The following SHISA9 variants were observed in gnomAD, a reference collection of about 807,000 sequenced individuals.
The protein encoded by SHISA9 is protein shisa-9.
Under a neutral mutation model 38.0 loss-of-function variants are expected in SHISA9, and 13 were observed. That is an observed-to-expected ratio of 0.34 (90% CI 0.22 to 0.54). The LOEUF (loss-of-function observed/expected upper bound fraction) is 0.54, where lower values mean the gene tolerates loss of function less well. Ranked by LOEUF, SHISA9 falls within the 20% of genes least tolerant of loss-of-function variation. The probability of loss-of-function intolerance (pLI) is 0.91; values close to 1 mark genes in which losing one functional copy is unlikely to be tolerated. For missense variants in SHISA9, 538 were observed against 575.8 expected (o/e 0.93, Z 0.67); for synonymous variants, 275 against 242.0 (o/e 1.14, Z -1.27).
the SHISA9 span, among the ~76,000 whole-genome samples, chr16:13,506,590 A>C: frequency 4.6e-5 from 7 of 152,206 alleles, no homozygotes; most frequent in Non-Finnish European, 7.3e-5. Context: ...CAGCCAATTC[A>C]AGTGCCTTCT....
Position 13,032,676 on chromosome 16 carries a change from TCTA to T in SHISA9, c.691+115864_691+115866del, listed in dbSNP as rs577965844. Among the ~76,000 whole-genome samples the T allele has an allele frequency of 3.2e-3, 490 of 152,356 alleles. 5 individuals carry two copies. The highest frequency in any genetic ancestry group is 0.011 in the African/African-American group (477 of 41,574). On this transcript the variant is annotated intron_variant, in intron 2 of 4. Coordinates refer to ENST00000558583, the MANE Select transcript of SHISA9 (RefSeq NM_001145204.3). ...CAGAGTAAATATTAGACTGTTCTCA[TCTA>T]CTTCTTTCTATTACACTTTCTATTA... is the stretch of plus-strand genomic sequence containing the variant.
At chr16:12,911,442 C>T in intron 1 of SHISA9, 11 of 911,820 alleles carry the variant, frequency 1.2e-5, no homozygotes, top group Non-Finnish European at 1.4e-5. Context: ...TAAGCATATG[C>T]ATGAACCCAC....
chr16:13,550,546 G>A, the SHISA9 span, among the ~76,000 whole-genome samples: 8 of 152,164 alleles, frequency 5.3e-5, no homozygotes, highest in African/African-American at 1.7e-4. Flanking sequence ...TTTCTTGGAT[G>A]TGCAGTTTGT....
intron 3 of SHISA9, among the ~76,000 whole-genome samples, chr16:13,208,353 A>G (rs12922227): frequency 0.25 from 37,416 of 150,348 alleles, 4,830 homozygotes; most frequent in Middle Eastern, 0.37. Flanking sequence ...CTTCCTTTCT[A>G]TTTTATTGTA....
chr16:13,534,640 A>G, the SHISA9 span, among the ~76,000 whole-genome samples: 2 of 152,202 alleles, frequency 1.3e-5, no homozygotes, highest in African/African-American at 2.4e-5. Context: ...ATTTGACCAC[A>G]TCTCCCTGTG....
chr16:12,998,395 A>G (rs1380185197), intron 2 of SHISA9, among the ~76,000 whole-genome samples: 1 of 152,240 alleles, frequency 6.6e-6, no homozygotes, highest in Non-Finnish European at 1.5e-5. Context: ...GTGGTAATTC[A>G]TGACCCAGCC....
chr16:13,015,860 T>TTGTTTC (rs1555454807), intron 2 of SHISA9, among the ~76,000 whole-genome samples: 1 of 57,216 alleles, frequency 1.7e-5, no homozygotes, highest in Non-Finnish European at 3.7e-5. Flanking sequence ...TTCCCTTTCT[T>TTGTTTC]TCTTTCTTTC....
At chr16:13,299,262 C>T in the SHISA9 span, among the ~76,000 whole-genome samples, 2 of 152,212 alleles carry the variant, frequency 1.3e-5, no homozygotes, top group African/African-American at 2.4e-5. Context: ...ACAGTCACTG[C>T]TCTAGATGAC....
the SHISA9 span, among the ~76,000 whole-genome samples, chr16:13,405,385 A>G: frequency 2.7e-4 from 41 of 152,348 alleles, no homozygotes; most frequent in African/African-American, 9.4e-4. Context: ...CTCACCCAGA[A>G]GATAGAAAGA....
intron 2 of SHISA9, among the ~76,000 whole-genome samples, chr16:12,952,950 C>A (rs1255873866): frequency 6.6e-6 from 1 of 152,122 alleles, no homozygotes; most frequent in African/African-American, 2.4e-5. Flanking sequence ...GTTTTAGGCA[C>A]TGTGTATGAG....
At chr16:13,414,634 T>C in the SHISA9 span, among the ~76,000 whole-genome samples, 27 of 126,256 alleles carry the variant, frequency 2.1e-4, no homozygotes, top group South Asian at 1.4e-3. Flanking sequence ...TTTCTTTCTT[T>C]CTTCTTTCTT....
At chr16:13,557,647 C>A in the SHISA9 span, among the ~76,000 whole-genome samples, 1 of 152,160 alleles carries the variant, frequency 6.6e-6, no homozygotes. Context: ...GAGGAGAGAA[C>A]CACGCCAAGG....
At chr16:13,259,767 G>A in the SHISA9 span, among the ~76,000 whole-genome samples, 2 of 152,170 alleles carry the variant, frequency 1.3e-5, no homozygotes, top group Non-Finnish European at 2.9e-5. Context: ...CTGGGACACA[G>A]GGAATCAAGT....
chr16:13,257,955 T>C, the SHISA9 span, among the ~76,000 whole-genome samples: 1 of 152,212 alleles, frequency 6.6e-6, no homozygotes, highest in Non-Finnish European at 1.5e-5. Flanking sequence ...AATAAAAACA[T>C]CATGACCAGA....
At chr16:12,949,312 G>A (rs764718777) in intron 2 of SHISA9, among the ~76,000 whole-genome samples, 2 of 152,234 alleles carry the variant, frequency 1.3e-5, no homozygotes, top group Non-Finnish European at 2.9e-5. Flanking sequence ...GGCAGCTCTG[G>A]AGCGTGAACT....
intron 2 of SHISA9, among the ~76,000 whole-genome samples, chr16:13,003,686 C>A (rs1216208872): frequency 6.6e-6 from 1 of 151,992 alleles, no homozygotes; most frequent in African/African-American, 2.4e-5. Flanking sequence ...GGTGAAACCC[C>A]ATCTCTACTA....
the SHISA9 span, among the ~76,000 whole-genome samples, chr16:13,401,870 G>C: frequency 1.3e-5 from 2 of 152,176 alleles, no homozygotes; most frequent in Non-Finnish European, 1.5e-5. Context: ...TCATGGCAGA[G>C]GGCCAGGAGA....
At chr16:13,099,419 G>C (rs184780313) in intron 2 of SHISA9, among the ~76,000 whole-genome samples, 19 of 152,324 alleles carry the variant, frequency 1.2e-4, no homozygotes, top group Admixed American at 8.5e-4. Flanking sequence ...AAACAAGGGT[G>C]GGGGACAAAG....
At position 12,997,954 on chromosome 16, in the gene SHISA9, G is replaced by A. The variant is rs116816162; in HGVS notation, c.691+81139G>A. On this transcript the variant is annotated intron_variant, in intron 2 of 4. Coordinates refer to ENST00000558583, the MANE Select transcript of SHISA9 (RefSeq NM_001145204.3). ...TCGTCCAGACACCATGTTATACACG[G>A]CGTGTAATAGGATAGAATGCATTGT... 3.7e-3 allele frequency among the ~76,000 whole-genome samples: 561 copies of A among 152,260 alleles called. 1 individual carries two copies. The highest frequency in any genetic ancestry group is 0.011 in the African/African-American group (451 of 41,558).
Sources: allele counts gnomAD v4.1 joint callset (sites outside exome capture counted in the v4.1 genomes callset), GRCh38; gene constraint gnomAD v4.1.1; transcripts MANE v1.5; gene names NCBI Gene and HGNC (gene_info 2026-07-23, HGNC 2026-07-21).